The following PHAF1 variants were observed in gnomAD, a reference collection of about 807,000 sequenced individuals.
The protein encoded by PHAF1 is phagosome assembly factor 1.
Under a neutral mutation model 63.1 loss-of-function variants are expected in PHAF1, and 23 were observed. That is an observed-to-expected ratio of 0.36 (90% CI 0.26 to 0.52). The LOEUF is 0.52. PHAF1 is among the 20% of genes least tolerant of loss of function. PHAF1 has a pLI of 0.93. For synonymous variants in PHAF1, 167 were observed against 185.0 expected (o/e 0.90, Z 0.79); for missense variants, 427 against 517.2 (o/e 0.83, Z 1.69).
At chr16:67,146,178 G>T in intron 14 of PHAF1, 100 bp from the exon 15 acceptor site, 1 of 1,050,648 alleles carries the variant, frequency 9.5e-7, no homozygotes, top group South Asian at 1.3e-5. Context: ...AGCCATGAGA[G>T]ACTACTGGCC....
At chr16:67,144,651 G>T (rs1963925030) in intron 11 of PHAF1, among the ~76,000 whole-genome samples, 183 bp from the exon 12 acceptor site, 1 of 152,204 alleles carries the variant, frequency 6.6e-6, no homozygotes, top group Non-Finnish European at 1.5e-5. Flanking sequence ...CCAGGGCCAA[G>T]ATCTTTTCTG....
intron 8 of PHAF1, among the ~76,000 whole-genome samples, chr16:67,137,788 A>T (rs1021200882): frequency 6.6e-6 from 1 of 152,148 alleles, no homozygotes; most frequent in African/African-American, 2.4e-5. Context: ...CTCTCAGCCA[A>T]TTATGTCTGC....
chr16:67,113,183 C>T (rs1194155610), intron 1 of PHAF1, among the ~76,000 whole-genome samples: 1 of 152,226 alleles, frequency 6.6e-6, no homozygotes. Flanking sequence ...GTGGACTCAA[C>T]TTTGTCACCA....
In PHAF1 at chr16:67,147,218, T is replaced by C. The variant is rs1019821800; in HGVS notation, c.*87T>C. 1.1e-5 allele frequency: 15 copies of C among 1,317,994 alleles called. No individual in the cohort carries two copies. The highest frequency in any genetic ancestry group is 1.4e-5 in the African/African-American group (1 of 68,990). The allele number at this position is 1,317,994 out of a possible 1,614,324, so 81.6% of individuals were successfully genotyped here. On this transcript the variant is annotated 3_prime_UTR_variant, in exon 16 of 16. Coordinates refer to ENST00000219139, the MANE Select transcript of PHAF1 (RefSeq NM_025187.5). ...CCTCTGTACCACCCTGTGGGTTTTC[T>C]TGGACACCTGGCCAGTGCTGAAGGG...
rs752254502 is a variant in PHAF1 at position 67,145,599 on chromosome 16, C to T, written c.1080C>T (p.His360=). The T allele has an allele frequency of 2.3e-5, 37 of 1,613,942 alleles. No homozygotes were observed. The East Asian group carries it at 7.6e-4, about 33-fold the overall frequency. Residue 360 remains histidine, a synonymous_variant, in exon 14 of 16, where the codon CAC becomes CAT. Transcript: ENST00000219139. The part of the protein sequence containing the change: ...KWDNIQELLG[H]PVEKPVVLHR... ...ACAACATCCAGGAGCTCCTGGGCCACCCTGTGGAGAAGCCTGTTGTCCTGC... is the reference window on the plus strand; with the variant it reads ...ACAACATCCAGGAGCTCCTGGGCCATCCTGTGGAGAAGCCTGTTGTCCTGC...
intron 7 of PHAF1, 35 bp from the exon 8 acceptor site, chr16:67,134,320 A>G (rs1266495061): frequency 6.2e-7 from 1 of 1,608,458 alleles, no homozygotes; most frequent in South Asian, 1.1e-5. Flanking sequence ...TGGGAGAAAG[A>G]ACCAAGCCTC....
chr16:67,137,824 G>A (rs2075421112), intron 8 of PHAF1, among the ~76,000 whole-genome samples: 2 of 152,130 alleles, frequency 1.3e-5, no homozygotes, highest in African/African-American at 2.4e-5. Context: ...ATTCCCAGCA[G>A]TCACACTGCT....
In PHAF1 at chr16:67,132,827, C is replaced by T. The variant is rs766438603; in HGVS notation, c.366C>T (p.Ser122=). 2.7e-5 allele frequency: 44 copies of T among 1,612,488 alleles called. No individual in the cohort carries two copies. The highest frequency in any genetic ancestry group is 9.3e-5 in the African/African-American group (7 of 74,880). The change falls in exon 6 of 16, where the codon TCC becomes TCT. Residue 122 remains serine, a synonymous_variant. Transcript: ENST00000219139. ...CCCCACCCCCAACAGTGTACAACTC[C>T]GCTGAGCAGCTCTTCCATCTCAACT... ...FGATHPGVYN[S]AEQLFHLNFR...
chr16:67,110,136 C>A lies in PHAF1; in HGVS notation c.-40C>A. 6.5e-7 allele frequency: 1 copy of A among 1,548,550 alleles called. No individual in the cohort carries two copies. Among genetic ancestry groups the A allele is most frequent in the East Asian group, 2.4e-5 (1 of 40,906 alleles). ...CTCCTTAGCTCGGGTCCCTTCTGCG[C>A]TGCCGCAGGGAGGCCGCCCGGGCCA... On this transcript the variant is annotated 5_prime_UTR_variant, in exon 1 of 16. In the 5' UTR this introduces an upstream ATG that the reference lacks. Transcript: ENST00000219139.
At chr16:67,116,296 T>C (rs1962728662) in intron 1 of PHAF1, among the ~76,000 whole-genome samples, 1 of 152,254 alleles carries the variant, frequency 6.6e-6, no homozygotes, top group Non-Finnish European at 1.5e-5. Flanking sequence ...TGCCTTCAAC[T>C]TTCTTCAGAC....
intron 8 of PHAF1, among the ~76,000 whole-genome samples, chr16:67,137,874 T>C (rs919135677): frequency 6.6e-6 from 1 of 152,134 alleles, no homozygotes; most frequent in Non-Finnish European, 1.5e-5. Flanking sequence ...ATTTGTTAAG[T>C]CAGGGCCTCA....
chr16:67,131,484 C>G (rs987172353), intron 4 of PHAF1, among the ~76,000 whole-genome samples, 155 bp downstream of exon 4: 1 of 152,164 alleles, frequency 6.6e-6, no homozygotes, highest in Non-Finnish European at 1.5e-5. Context: ...TGCTCAGTTT[C>G]CTGGAGAAGA....
In PHAF1 at chr16:67,110,100, C is replaced by G; in HGVS notation, c.-76C>G. 6.8e-7 allele frequency: 1 copy of G among 1,480,700 alleles called. No homozygotes were observed. The highest frequency in any genetic ancestry group is 1.3e-5 in the South Asian group (1 of 79,394). The allele number at this position is 1,480,700 out of a possible 1,614,324, so 91.7% of individuals were successfully genotyped here. ...GGGCCGGCGGGGGCGGCCTGTCAGCCGCTGCTTTGTCTCCTTAGCTCGGGT... is the reference window on the plus strand; with the variant it reads ...GGGCCGGCGGGGGCGGCCTGTCAGCGGCTGCTTTGTCTCCTTAGCTCGGGT... On this transcript the variant is annotated 5_prime_UTR_variant, in exon 1 of 16. Coordinates refer to ENST00000219139, the MANE Select transcript of PHAF1 (RefSeq NM_025187.5).
intron 8 of PHAF1, among the ~76,000 whole-genome samples, chr16:67,138,703 C>G (rs1337216939): frequency 6.6e-6 from 1 of 152,160 alleles, no homozygotes; most frequent in Non-Finnish European, 1.5e-5. Context: ...AAAGATTCTT[C>G]CCAAAGAATA....
At chr16:67,132,571 T>C (rs770394433) in intron 5 of PHAF1, 46 bp downstream of exon 5, 4 of 1,578,800 alleles carry the variant, frequency 2.5e-6, no homozygotes, top group Non-Finnish European at 3.5e-6. Context: ...TGGCAGTTCA[T>C]AGCAATAAAC....
Position 67,145,387 on chromosome 16 carries a change from G to C in PHAF1, c.1018G>C (p.Gly340Arg), listed in dbSNP as rs2029959719. ...PLAIKKENAD[G>R]QTETCTTYSK... ...TCTTCTCTTTTCAGAAAACGCAGATGGTCAGACAGAAACATGCACGACCTA... is the reference window on the plus strand; with the variant it reads ...TCTTCTCTTTTCAGAAAACGCAGATCGTCAGACAGAAACATGCACGACCTA... The change falls in exon 13 of 16, where the codon GGT becomes CGT. Residue 340 changes from glycine to arginine, a missense_variant. By Grantham distance (125) the Gly-to-Arg change is moderately radical. Transcript: ENST00000219139. The C allele has an allele frequency of 9.9e-6, 16 of 1,614,148 alleles. No homozygotes were observed. Among genetic ancestry groups the C allele is most frequent in the Non-Finnish European group, 1.4e-5 (16 of 1,180,016 alleles).
At chr16:67,145,232 C>A in intron 12 of PHAF1, 144 bp from the exon 13 acceptor site, 1 of 914,498 alleles carries the variant, frequency 1.1e-6, no homozygotes, top group Non-Finnish European at 1.7e-6. Flanking sequence ...CTCTTCCACC[C>A]TGGAACTCCA....
intron 6 of PHAF1, among the ~76,000 whole-genome samples, chr16:67,133,774 C>T (rs1247146459): frequency 1.3e-4 from 20 of 148,176 alleles, no homozygotes; most frequent in Non-Finnish European, 7.5e-5. Flanking sequence ...AGCGAGACTC[C>T]GTCTCAAAAA....
At chr16:67,125,887 A>G (rs541046415) in intron 2 of PHAF1, 72 bp from the exon 3 acceptor site, 24 of 1,083,474 alleles carry the variant, frequency 2.2e-5, no homozygotes, top group Non-Finnish European at 3.4e-5. Context: ...TTGCATTTGT[A>G]TTGTAAGGCT....
Sources: gnomAD v4.1 joint callset for allele counts (sites outside exome capture counted in the v4.1 genomes callset) on GRCh38, gnomAD v4.1.1 for gene constraint, MANE v1.5 for transcripts, NCBI Gene and HGNC (gene_info 2026-07-23, HGNC 2026-07-21) for gene names.